GRID2IP: variants seen among roughly 807,000 people sequenced by gnomAD.
GRID2IP encodes the protein Grid2 interacting protein.
In GRID2IP, 78 loss-of-function variants were observed where a neutral mutation model predicts 114.3. That is an observed-to-expected ratio of 0.68 (90% confidence interval 0.57 to 0.82). GRID2IP has a LOEUF of 0.82. Among genes scored for constraint, GRID2IP ranks in the 40% least tolerant of loss-of-function variants. The probability of loss-of-function intolerance (pLI) is 0.00; values close to 1 mark genes in which losing one functional copy is unlikely to be tolerated. For synonymous variants in GRID2IP, 809 were observed against 724.0 expected (o/e 1.12, Z -1.89); for missense variants, 1,727 against 1,678.5 (o/e 1.03, Z -0.51).
rs572355938 is a variant in GRID2IP, at chr7:6,528,754, G to A, written c.585-1985C>T. On this transcript the variant is annotated intron_variant, in intron 2 of 21. Transcript: ENST00000457091. The surrounding 1 kb of genome is among the most constrained non-coding windows in gnomAD (Gnocchi z 6.0). ...GAAGTGGGTGTGGATTCTCAGGGAG[G>A]AGGCTCTGTCCCCGCAGTGAGCTCC... is the stretch of plus-strand genomic sequence containing the variant. Among the ~76,000 whole-genome samples the A allele has an allele frequency of 4.8e-4, 73 of 152,136 alleles. No individual in the cohort carries two copies. The highest frequency in any genetic ancestry group is 5.6e-4 in the Non-Finnish European group (38 of 67,978).
intron 1 of GRID2IP, among the ~76,000 whole-genome samples, chr7:6,550,679 A>T (rs75546810): frequency 7.5e-6 from 1 of 132,624 alleles, no homozygotes; most frequent in Non-Finnish European, 1.6e-5. Flanking sequence ...AAAAAAAAAA[A>T]TTAGCTGGGT....
chr7:6,499,887 G>GGAAAAAAAC (rs1231054117), intron 20 of GRID2IP, among the ~76,000 whole-genome samples: 1 of 151,762 alleles, frequency 6.6e-6, no homozygotes, highest in African/African-American at 2.4e-5. Context: ...GCACCACTAT[G>GGAAAAAAAC]CCAGACTCAT....
rs1331643476 is a variant in GRID2IP, at chr7:6,534,019, A to G, written c.584+5699T>C. On this transcript the variant is annotated intron_variant, in intron 2 of 21. Transcript: ENST00000457091. The surrounding 1 kb of genome is among the most constrained non-coding windows in gnomAD (Gnocchi z 4.5). ...CAGAAGAGGGTGACGGGGTGCAGAT[A>G]GTCCCTCACAGGCCACCCTTAGATT... Among the ~76,000 whole-genome samples, 1 of 152,132 alleles carries G rather than the reference A, an allele frequency of 6.6e-6. No individual in the cohort carries two copies. Among genetic ancestry groups the G allele is most frequent in the African/African-American group, 2.4e-5 (1 of 41,428 alleles).
chr7:6,527,547 G>A (rs914654335), intron 2 of GRID2IP, among the ~76,000 whole-genome samples: 10 of 152,190 alleles, frequency 6.6e-5, no homozygotes, highest in Admixed American at 5.9e-4. Context: ...GGGAAGGCCC[G>A]TGGGTCTCCG....
intron 2 of GRID2IP, 93 bp downstream of exon 2, chr7:6,539,625 G>C (rs1020289186): frequency 8.3e-7 from 1 of 1,211,562 alleles, no homozygotes; most frequent in South Asian, 1.6e-5. Flanking sequence ...TCTCCCACCT[G>C]GGCTGGAAGG....
intron 8 of GRID2IP, 94 bp from the exon 9 acceptor site, chr7:6,511,133 C>G: frequency 7.7e-7 from 1 of 1,290,606 alleles, no homozygotes; most frequent in Non-Finnish European, 9.8e-7. Flanking sequence ...GTCATCTGCA[C>G]CAATATGCAG....
Position 6,501,940 on chromosome 7 carries a change from C to T in GRID2IP, c.3281-41G>A, listed in dbSNP as rs375093639. The T allele has an allele frequency of 3.2e-6, 5 of 1,550,130 alleles. No individual in the cohort carries two copies. In the African/African-American group the frequency reaches 5.5e-5, roughly 17 times the overall value. ...CAGGGGCTGCATGGGGCCACTCTCCCAGCCCAGGACAGCATGCCTCTGCCT... is the reference window on the plus strand; with the variant it reads ...CAGGGGCTGCATGGGGCCACTCTCCTAGCCCAGGACAGCATGCCTCTGCCT... On this transcript the variant is annotated intron_variant, in intron 19 of 21. Coordinates refer to ENST00000457091, the MANE Select transcript of GRID2IP (RefSeq NM_001145118.2).
chr7:6,531,343 C>A (rs1164285500), intron 2 of GRID2IP, among the ~76,000 whole-genome samples: 1 of 152,026 alleles, frequency 6.6e-6, no homozygotes, highest in Non-Finnish European at 1.5e-5. Context: ...CGGAAACTGG[C>A]GGCGGTTTGA....
chr7:6,535,920 C>T (rs1407983612), intron 2 of GRID2IP, among the ~76,000 whole-genome samples: 1 of 152,134 alleles, frequency 6.6e-6, no homozygotes, highest in Non-Finnish European at 1.5e-5. Context: ...GACGCACCAC[C>T]AGACTCCACC....
At chr7:6,539,016 C>T (rs1237552134) in intron 2 of GRID2IP, among the ~76,000 whole-genome samples, 1 of 152,198 alleles carries the variant, frequency 6.6e-6, no homozygotes, top group Non-Finnish European at 1.5e-5. Flanking sequence ...CAGTCCTGGG[C>T]TTCCCTGCCC....
At chr7:6,497,945 G>A in intron 21 of GRID2IP, 100 bp from the exon 22 acceptor site, 1 of 1,403,396 alleles carries the variant, frequency 7.1e-7, no homozygotes, top group Non-Finnish European at 9.7e-7. Context: ...CAGGGGGTTA[G>A]GGGGACATGT....
chr7:6,543,819 T>TCTCACTCTGTCG (rs758938600), intron 1 of GRID2IP, among the ~76,000 whole-genome samples: 1 of 151,896 alleles, frequency 6.6e-6, no homozygotes, highest in South Asian at 2.1e-4. Flanking sequence ...TGAGAGAAAG[T>TCTCACTCTGTCG]CTCACTCTGT....
At position 6,523,301 on chromosome 7, in the gene GRID2IP, A is replaced by G. The variant is rs1779448427; in HGVS notation, c.920-1344T>C. Reference sequence around the variant, plus strand: ...ATGGGGGAAGTCCTTTCCCTGGACCAAAAAGGAGAGAGTGATGGTGGTGGC... The same window carrying G: ...ATGGGGGAAGTCCTTTCCCTGGACCGAAAAGGAGAGAGTGATGGTGGTGGC... On this transcript the variant is annotated intron_variant, in intron 4 of 21. Transcript: ENST00000457091. This position sits in a 1 kb window ranked among gnomAD's most constrained non-coding sequence, Gnocchi z 4.5. Among the ~76,000 whole-genome samples, 1 of 152,148 alleles carries G rather than the reference A, an allele frequency of 6.6e-6. No individual in the cohort carries two copies. The highest frequency in any genetic ancestry group is 2.4e-5 in the African/African-American group (1 of 41,436).
chr7:6,525,620 C>A (rs182506267), intron 4 of GRID2IP, among the ~76,000 whole-genome samples: 2 of 152,084 alleles, frequency 1.3e-5, no homozygotes, highest in East Asian at 3.9e-4. Context: ...GGTGACAGAG[C>A]GAGACACTAT....
In GRID2IP at chr7:6,520,870, T is replaced by C; in HGVS notation, c.1085-109A>G. ...GACCTCCTGAGCTGGGGTGTGGCTGTCCAGTGCCATGCATGGGAAGGCATG... is the reference window on the plus strand; with the variant it reads ...GACCTCCTGAGCTGGGGTGTGGCTGCCCAGTGCCATGCATGGGAAGGCATG... On this transcript the variant is annotated intron_variant, in intron 6 of 21. Coordinates refer to ENST00000457091, the MANE Select transcript of GRID2IP (RefSeq NM_001145118.2). The surrounding 1 kb of genome is among the most constrained non-coding windows in gnomAD (Gnocchi z 4.6). The C allele has an allele frequency of 9.7e-7, 1 of 1,036,212 alleles. No homozygotes were observed. Among genetic ancestry groups the C allele is most frequent in the Non-Finnish European group, 1.4e-6 (1 of 718,466 alleles). The allele number at this position is 1,036,212 out of a possible 1,614,324, so 64.2% of individuals were successfully genotyped here.
intron 1 of GRID2IP, among the ~76,000 whole-genome samples, chr7:6,544,609 A>G (rs1779859545): frequency 6.6e-6 from 1 of 151,960 alleles, no homozygotes; most frequent in Non-Finnish European, 1.5e-5. Context: ...CTACTTCTCC[A>G]TTCCCTGCAG....
intron 2 of GRID2IP, among the ~76,000 whole-genome samples, chr7:6,537,876 G>A (rs764845765): frequency 2.0e-5 from 3 of 151,878 alleles, no homozygotes; most frequent in Admixed American, 1.3e-4. Context: ...AAACAGAGCG[G>A]AAGAGCAGAA....
In GRID2IP at chr7:6,507,579, C is replaced by A. The variant is rs1315570169; in HGVS notation, c.2544+406G>T. 2.6e-5 allele frequency among the ~76,000 whole-genome samples: 4 copies of A among 152,198 alleles called. No individual in the cohort carries two copies. Among genetic ancestry groups the A allele is most frequent in the Non-Finnish European group, 2.9e-5 (2 of 68,024 alleles). On this transcript the variant is annotated intron_variant, in intron 13 of 21. Coordinates refer to ENST00000457091, the MANE Select transcript of GRID2IP (RefSeq NM_001145118.2). The surrounding 1 kb of genome is among the most constrained non-coding windows in gnomAD (Gnocchi z 5.3). Reference sequence around the variant, plus strand: ...GAAGACCTTGACAGGTAGTGAGTTCCCCACCACTGAAGGTGTTCAAGCATA... The same window carrying A: ...GAAGACCTTGACAGGTAGTGAGTTCACCACCACTGAAGGTGTTCAAGCATA...
intron 1 of GRID2IP, among the ~76,000 whole-genome samples, chr7:6,542,315 A>G (rs1562525441): frequency 1.3e-5 from 2 of 151,268 alleles, no homozygotes; most frequent in East Asian, 3.9e-4. Context: ...TCAAAAAAAA[A>G]AAAAAAAAAA....
Sources: allele counts gnomAD v4.1 joint callset (sites outside exome capture counted in the v4.1 genomes callset), GRCh38; gene constraint gnomAD v4.1.1; non-coding constraint Gnocchi (gnomAD v3.1); transcripts MANE v1.5; gene names NCBI Gene and HGNC (gene_info 2026-07-23, HGNC 2026-07-21).